TRIO: variants seen among roughly 807,000 people sequenced by gnomAD.
TRIO encodes the protein trio Rho guanine nucleotide exchange factor.
Under a neutral mutation model 351.9 loss-of-function variants are expected in TRIO, and 58 were observed. The observed-to-expected ratio is 0.16, with a 90% CI of 0.13 to 0.21. The LOEUF (loss-of-function observed/expected upper bound fraction) is 0.21, where lower values mean the gene tolerates loss of function less well. TRIO is among the 10% of genes least tolerant of loss of function. The probability of loss-of-function intolerance (pLI) is 1.00; values close to 1 mark genes in which losing one functional copy is unlikely to be tolerated. For synonymous variants in TRIO, 1,758 were observed against 1,595.7 expected, an observed-to-expected ratio of 1.10 and a Z score of -2.42; for missense variants, 3,201 against 4,027.8, an observed-to-expected ratio of 0.79 and a Z score of 5.56.
intron 1 of TRIO, among the ~76,000 whole-genome samples, chr5:14,211,502 T>C (rs1791890217): frequency 6.6e-6 from 1 of 151,992 alleles, no homozygotes; most frequent in South Asian, 2.1e-4. Flanking sequence ...CAATAAAATA[T>C]TTTGCCATGT....
chr5:14,397,190 C>A, intron 29 of TRIO, 36 bp downstream of exon 29: 2 of 1,517,444 alleles, frequency 1.3e-6, no homozygotes, highest in Non-Finnish European at 1.8e-6. Flanking sequence ...TGCATCTATG[C>A]AGTTTCTAAT....
intron 1 of TRIO, among the ~76,000 whole-genome samples, chr5:14,149,235 AG>A (rs1243779552): frequency 6.6e-6 from 1 of 152,182 alleles, no homozygotes; most frequent in East Asian, 1.9e-4. Context: ...GCTCCCTGCT[AG>A]TTCGTAAATC....
chr5:14,419,744 G>C, intron 33 of TRIO, 34 bp from the exon 34 acceptor site: 2 of 1,608,996 alleles, frequency 1.2e-6, no homozygotes, highest in Non-Finnish European at 1.7e-6. Flanking sequence ...GCTCACACTG[G>C]CTGACCTGTC....
At chr5:14,212,405 C>G (rs1162312091) in intron 1 of TRIO, among the ~76,000 whole-genome samples, 1 of 152,158 alleles carries the variant, frequency 6.6e-6, no homozygotes, top group Non-Finnish European at 1.5e-5. Flanking sequence ...GGAACTCCAG[C>G]CAACTTCTGT....
chr5:14,488,281 GCGCCCTCCCGCCC>G, intron 48 of TRIO, 21 bp downstream of exon 48: 1 of 1,524,856 alleles, frequency 6.6e-7, no homozygotes, highest in Non-Finnish European at 8.8e-7. Context: ...CGGGGGGCCC[GCGCCCTCCCGCCC>G]CCCTGCCTCT....
Position 14,459,544 on chromosome 5 carries a change from G to T in TRIO, c.5204-1475G>T, listed in dbSNP as rs923517181. On this transcript the variant is annotated intron_variant, in intron 34 of 56. Coordinates refer to ENST00000344204, the MANE Select transcript of TRIO (RefSeq NM_007118.4). ...AGACGTCACACAAGTCCATGGATTG[G>T]CTGAGTGTCTGCTGTCACCCAAATT... is the stretch of plus-strand genomic sequence containing the variant. Among the ~76,000 whole-genome samples the T allele has an allele frequency of 7.2e-5, 11 of 152,284 alleles. No individual in the cohort carries two copies. The East Asian group carries it at 1.2e-3, about 16-fold the overall frequency.
At chr5:14,323,746 G>A (rs556377623) in intron 9 of TRIO, among the ~76,000 whole-genome samples, 1 of 152,320 alleles carries the variant, frequency 6.6e-6, no homozygotes, top group South Asian at 2.1e-4. Context: ...GTACGCCAGA[G>A]CACTAGGAAA....
In TRIO at chr5:14,384,249, T is replaced by C. The variant is rs1463241597; in HGVS notation, c.3570+2997T>C. Among the ~76,000 whole-genome samples the C allele has an allele frequency of 1.3e-5, 2 of 152,196 alleles. 1 individual carries two copies. Among genetic ancestry groups the C allele is most frequent in the Non-Finnish European group, 2.9e-5 (2 of 68,034 alleles). ...TACTGACGCCACAGCCTTCTTCCCA[T>C]AGGGCTTCCTGTGGTCCTGATCACC... On this transcript the variant is annotated intron_variant, in intron 21 of 56. Transcript: ENST00000344204.
intron 1 of TRIO, among the ~76,000 whole-genome samples, chr5:14,225,627 T>C (rs1171134384): frequency 1.3e-5 from 2 of 152,190 alleles, no homozygotes; most frequent in African/African-American, 4.8e-5. Context: ...TATGGCAGTT[T>C]GCTCTTCTGA....
rs532716092 is a variant in TRIO at position 14,476,791 on chromosome 5, C to CA, written c.6084-91dup. The CA allele has an allele frequency of 0.12, 99,005 of 804,496 alleles. 633 individuals are homozygous for CA. The highest frequency in any genetic ancestry group is 0.14 in the Non-Finnish European group (77,751 of 566,006). The allele number at this position is 804,496 out of a possible 1,614,324, so 49.8% of individuals were successfully genotyped here. A position where few individuals can be genotyped will look rare whatever the true frequency, so the allele number is the denominator to read the frequency against. ...CCTAGGTGATAGAGTGACACTCTCTCAAAAAAAAAAAAGAAAAAAAGAAAA... is the reference window on the plus strand; with the variant it reads ...CCTAGGTGATAGAGTGACACTCTCTCAAAAAAAAAAAAAGAAAAAAAGAAAA... On this transcript the variant is annotated intron_variant, in intron 40 of 56. Transcript: ENST00000344204.
intron 34 of TRIO, among the ~76,000 whole-genome samples, chr5:14,421,988 C>T (rs1358614556): frequency 6.6e-6 from 1 of 152,234 alleles, no homozygotes; most frequent in African/African-American, 2.4e-5. Flanking sequence ...AAGAGGGGTG[C>T]TGCCCCCACG....
intron 34 of TRIO, among the ~76,000 whole-genome samples, chr5:14,431,325 C>G (rs1019929198): frequency 5.3e-5 from 8 of 152,204 alleles, no homozygotes; most frequent in African/African-American, 1.9e-4. Context: ...ACATCACAGA[C>G]TATTCAGGGG....
intron 36 of TRIO, among the ~76,000 whole-genome samples, chr5:14,464,438 C>A (rs1754089820): frequency 6.6e-6 from 1 of 152,194 alleles, no homozygotes; most frequent in South Asian, 2.1e-4. Flanking sequence ...GATTTTCCCA[C>A]ACAGTATATA....
intron 1 of TRIO, among the ~76,000 whole-genome samples, chr5:14,223,885 T>G (rs1792811426): frequency 6.6e-6 from 1 of 152,220 alleles, no homozygotes; most frequent in South Asian, 2.1e-4. Flanking sequence ...TTTACTGATA[T>G]TCAGTGTTTG....
intron 1 of TRIO, among the ~76,000 whole-genome samples, chr5:14,234,562 A>G (rs956721588): frequency 3.9e-5 from 6 of 152,230 alleles, no homozygotes; most frequent in African/African-American, 1.4e-4. Context: ...ATGTTCTGTG[A>G]TCTGTACTTA....
intron 28 of TRIO, 61 bp downstream of exon 28, chr5:14,394,191 A>T: frequency 2.8e-6 from 3 of 1,088,180 alleles, no homozygotes; most frequent in Non-Finnish European, 4.0e-6. Context: ...TTTGACATTT[A>T]CTATATATTT....
intron 38 of TRIO, 121 bp downstream of exon 38, chr5:14,471,587 ATTAAG>A (rs1340767697): frequency 7.6e-7 from 1 of 1,324,082 alleles, no homozygotes; most frequent in Non-Finnish European, 1.0e-6. Flanking sequence ...AGGGCCTCTC[ATTAAG>A]TAACTGCACG....
intron 11 of TRIO, among the ~76,000 whole-genome samples, chr5:14,351,097 C>A (rs963263628): frequency 4.6e-5 from 7 of 152,172 alleles, no homozygotes; most frequent in African/African-American, 1.7e-4. Flanking sequence ...TGCAGCCCAG[C>A]TCCTAACAAG....
At chr5:14,208,862 C>G (rs1385375432) in intron 1 of TRIO, among the ~76,000 whole-genome samples, 2 of 152,190 alleles carry the variant, frequency 1.3e-5, no homozygotes, top group East Asian at 3.8e-4. Context: ...GAACCCTCTG[C>G]TGGTTCTAAG....
Sources: gnomAD v4.1 joint callset for allele counts (sites outside exome capture counted in the v4.1 genomes callset) on GRCh38, gnomAD v4.1.1 for gene constraint, MANE v1.5 for transcripts, NCBI Gene and HGNC (gene_info 2026-07-23, HGNC 2026-07-21) for gene names.